Variants in BTBD9 observed in about 807,000 individuals in gnomAD.
BTBD9 encodes the protein BTB/POZ domain-containing protein 9.
Under a neutral mutation model 64.3 loss-of-function variants are expected in BTBD9, and 49 were observed. The ratio of observed to expected loss-of-function variants is 0.76; its 90% CI spans 0.61 to 0.97. BTBD9 has a LOEUF of 0.97. Ranked by LOEUF, BTBD9 falls within the 50% of genes least tolerant of loss-of-function variation. BTBD9 has a pLI of 0.00. For missense variants in BTBD9, 598 were observed against 762.1 expected (o/e 0.78, Z 2.53); for synonymous variants, 260 against 274.7 (o/e 0.95, Z 0.53).
At chr6:38,265,294 C>G (rs1464233815) in intron 8 of BTBD9, among the ~76,000 whole-genome samples, 1 of 151,936 alleles carries the variant, frequency 6.6e-6, no homozygotes, top group East Asian at 1.9e-4. Flanking sequence ...GAGGGATTTT[C>G]TTTCTCATGA....
intron 6 of BTBD9, among the ~76,000 whole-genome samples, chr6:38,558,583 T>G (rs945527937): frequency 6.6e-6 from 1 of 152,188 alleles, no homozygotes; most frequent in Non-Finnish European, 1.5e-5. Flanking sequence ...ATGCCTAGTT[T>G]GAGGTTTTTT....
intron 7 of BTBD9, among the ~76,000 whole-genome samples, chr6:38,328,156 C>G (rs939688583): frequency 1.3e-5 from 2 of 152,050 alleles, no homozygotes; most frequent in Non-Finnish European, 2.9e-5. Flanking sequence ...AATAAAAACC[C>G]AATAATCTCT....
intron 6 of BTBD9, among the ~76,000 whole-genome samples, chr6:38,432,390 T>C (rs1768482971): frequency 6.6e-6 from 1 of 151,988 alleles, no homozygotes. Context: ...GAATTAAGTA[T>C]GATAACAGTC....
chr6:38,283,654 A>G (rs1408582076), intron 8 of BTBD9, among the ~76,000 whole-genome samples: 2 of 152,188 alleles, frequency 1.3e-5, no homozygotes, highest in East Asian at 3.9e-4. Context: ...ATATAAAGGA[A>G]TCTGAATATT....
At chr6:38,240,402 G>C (rs1763954218) in intron 9 of BTBD9, among the ~76,000 whole-genome samples, 1 of 152,218 alleles carries the variant, frequency 6.6e-6, no homozygotes, top group Non-Finnish European at 1.5e-5. Flanking sequence ...CTGACCTAAA[G>C]CAGTGGCTCA....
intron 9 of BTBD9, among the ~76,000 whole-genome samples, chr6:38,229,941 G>T (rs1292644998): frequency 6.6e-6 from 1 of 152,130 alleles, no homozygotes; most frequent in Non-Finnish European, 1.5e-5. Context: ...AGAGTGAAAT[G>T]TTCAGGACCA....
rs768307607 is a variant in BTBD9, at chr6:38,577,648, T to C, written c.1106A>G (p.Tyr369Cys). 7 of 1,610,960 alleles carry C rather than the reference T, an allele frequency of 4.3e-6. No individual in the cohort carries two copies. The highest frequency in any genetic ancestry group is 5.9e-6 in the Non-Finnish European group (7 of 1,179,636). The change falls in exon 6 of 11, where the codon TAT becomes TGT. Residue 369 changes from tyrosine to cysteine, a missense_variant. By Grantham distance (194) the Tyr-to-Cys change is radical. Transcript: ENST00000481247. ...DWVRVIDHSQ[Y>C]LCRSWQKLYF... Reference sequence around the variant, plus strand: ...TAATTTCTGCCAAGAACGACACAGATATTGTGAATGATCTATCACTCTGAC... The same window carrying C: ...TAATTTCTGCCAAGAACGACACAGACATTGTGAATGATCTATCACTCTGAC...
chr6:38,334,761 G>A (rs1368454157), intron 7 of BTBD9, among the ~76,000 whole-genome samples: 2 of 151,830 alleles, frequency 1.3e-5, no homozygotes, highest in Non-Finnish European at 2.9e-5. Flanking sequence ...AATAATAAGG[G>A]AATACATAAG....
intron 6 of BTBD9, among the ~76,000 whole-genome samples, chr6:38,452,009 T>C (rs1769578115): frequency 6.6e-6 from 1 of 152,134 alleles, no homozygotes; most frequent in African/African-American, 2.4e-5. Flanking sequence ...AGAGCTCTTT[T>C]ACCTAACGCT....
Position 38,419,731 on chromosome 6 carries a change from G to A in BTBD9, c.1155-74638C>T, listed in dbSNP as rs528089917. On this transcript the variant is annotated intron_variant, in intron 6 of 10. Transcript: ENST00000481247. ...ACTAAAAATACAAAATTAGCCGGTT[G>A]TGGCAGTGCATGCCTGTAATCCCAG... Among the ~76,000 whole-genome samples, 7 of 152,214 alleles carry A rather than the reference G, an allele frequency of 4.6e-5. No individual in the cohort carries two copies. In the East Asian group the frequency reaches 1.4e-3, roughly 29 times the overall value.
Position 38,406,269 on chromosome 6 carries a change from C to T in BTBD9, c.1155-61176G>A, listed in dbSNP as rs149356499. ...TAACCATAAGGAGCATCAGCATAGG[C>T]CAAAGGCAAAATTCTTTGCCAAGCT... On this transcript the variant is annotated intron_variant, in intron 6 of 10. Coordinates refer to ENST00000481247, the MANE Select transcript of BTBD9 (RefSeq NM_001099272.2). Among the ~76,000 whole-genome samples, 61 of 152,208 alleles carry T rather than the reference C, an allele frequency of 4.0e-4. 1 individual carries two copies. In the East Asian group the frequency reaches 9.1e-3, roughly 23 times the overall value.
At position 38,385,456 on chromosome 6, in the gene BTBD9, C is replaced by T. The variant is rs1306494790; in HGVS notation, c.1155-40363G>A. On this transcript the variant is annotated intron_variant, in intron 6 of 10. Coordinates refer to ENST00000481247, the MANE Select transcript of BTBD9 (RefSeq NM_001099272.2). ...CCACCTGCCTCAGCCTCCTAAAGTG[C>T]TAGGATTATAGGCGTGAGCCACCAC... Among the ~76,000 whole-genome samples the T allele has an allele frequency of 1.3e-5, 2 of 152,058 alleles. 1 individual carries two copies.
intron 1 of BTBD9, among the ~76,000 whole-genome samples, chr6:38,611,131 C>T (rs1678929406): frequency 1.3e-5 from 2 of 151,966 alleles, no homozygotes; most frequent in African/African-American, 4.8e-5. Flanking sequence ...TGTTTAAATA[C>T]ATATACGTAT....
chr6:38,533,791 G>C (rs149308875), intron 6 of BTBD9, among the ~76,000 whole-genome samples: 1 of 152,076 alleles, frequency 6.6e-6, no homozygotes, highest in Non-Finnish European at 1.5e-5. Context: ...AATGACCAGT[G>C]AGTCAATGAA....
chr6:38,463,612 A>G (rs1367743429), intron 6 of BTBD9, among the ~76,000 whole-genome samples: 1 of 152,228 alleles, frequency 6.6e-6, no homozygotes, highest in Non-Finnish European at 1.5e-5. Context: ...TGCCTTTATT[A>G]AGAAGATCAC....
intron 9 of BTBD9, among the ~76,000 whole-genome samples, chr6:38,210,137 C>T (rs1762781435): frequency 6.6e-6 from 1 of 152,298 alleles, no homozygotes; most frequent in Non-Finnish European, 1.5e-5. Flanking sequence ...ACCTTGCTCC[C>T]ACTCTGCCAT....
At chr6:38,404,998 A>T (rs1255786889) in intron 6 of BTBD9, among the ~76,000 whole-genome samples, 2 of 152,188 alleles carry the variant, frequency 1.3e-5, no homozygotes, top group Non-Finnish European at 2.9e-5. Flanking sequence ...TTCAGTGCTT[A>T]TTGTCAATCG....
chr6:38,426,793 T>C (rs7754340), intron 6 of BTBD9, among the ~76,000 whole-genome samples: 84,605 of 151,404 alleles, frequency 0.56, 23,922 homozygotes, highest in Middle Eastern at 0.65. Context: ...AGATTCCATT[T>C]CTTGGAATCC....
At chr6:38,241,899 G>A (rs1764004673) in intron 9 of BTBD9, among the ~76,000 whole-genome samples, 1 of 152,012 alleles carries the variant, frequency 6.6e-6, no homozygotes, top group South Asian at 2.1e-4. Flanking sequence ...GAAGGAAAAG[G>A]GAAGAAAAAC....
Sources: allele counts gnomAD v4.1 joint callset (sites outside exome capture counted in the v4.1 genomes callset), GRCh38; gene constraint gnomAD v4.1.1; transcripts MANE v1.5; gene names NCBI Gene and HGNC (gene_info 2026-07-23, HGNC 2026-07-21).